Variants in VTI1A observed in about 807,000 individuals in gnomAD.
VTI1A encodes the protein vesicle transport through interaction with t-SNAREs homolog 1A.
VTI1A carries 22 observed loss-of-function variants against 34.9 expected under a neutral mutation model. That is an observed-to-expected ratio of 0.63 (90% CI 0.45 to 0.90). The LOEUF is 0.90. Among genes scored for constraint, VTI1A ranks in the 40% least tolerant of loss-of-function variants. The pLI is 0.00. For synonymous variants in VTI1A, 87 were observed against 97.3 expected (o/e 0.89, Z 0.62); for missense variants, 268 against 275.6 (o/e 0.97, Z 0.20).
chr10:112,479,473 T>C lies in VTI1A; in HGVS notation c.264+14816T>C, dbSNP rs188275696. 3.3e-5 allele frequency among the ~76,000 whole-genome samples: 5 copies of C among 152,288 alleles called. No individual in the cohort carries two copies. The East Asian group carries it at 9.7e-4, about 29-fold the overall frequency. ...TTCTTCCAAAGGAAATGCACTTGTC[T>C]TAAGATTCCCTTTCTCTCTGAATCT... is the stretch of plus-strand genomic sequence containing the variant. On this transcript the variant is annotated intron_variant, in intron 3 of 7. Coordinates refer to ENST00000393077, the MANE Select transcript of VTI1A (RefSeq NM_145206.4).
At chr10:112,467,918 G>T (rs554789675) in intron 3 of VTI1A, among the ~76,000 whole-genome samples, 2 of 152,312 alleles carry the variant, frequency 1.3e-5, no homozygotes, top group East Asian at 3.9e-4. Context: ...AGTTCTACTT[G>T]TCATATAGTT....
intron 1 of VTI1A, among the ~76,000 whole-genome samples, chr10:112,459,221 A>T (rs1427106884): frequency 2.0e-5 from 3 of 152,238 alleles, no homozygotes; most frequent in Non-Finnish European, 2.9e-5. Context: ...ATTTCAAGCC[A>T]GGAACTAACT....
intron 5 of VTI1A, among the ~76,000 whole-genome samples, chr10:112,559,017 G>A (rs1851628390): frequency 5.9e-5 from 9 of 152,190 alleles, no homozygotes; most frequent in Admixed American, 5.9e-4. Context: ...CCAGGGCTTT[G>A]AATCTTGCTG....
At chr10:112,834,987 T>G in the VTI1A span, among the ~76,000 whole-genome samples, 1 of 152,092 alleles carries the variant, frequency 6.6e-6, no homozygotes, top group Non-Finnish European at 1.5e-5. Flanking sequence ...TTAGCTAGAT[T>G]AGTTCATCCA....
the VTI1A span, chr10:112,832,302 G>T: frequency 6.6e-6 from 1 of 152,210 alleles, no homozygotes; most frequent in Non-Finnish European, 1.5e-5. Flanking sequence ...ATGTGAAAAA[G>T]ACCTCTGACC....
intron 7 of VTI1A, among the ~76,000 whole-genome samples, chr10:112,763,876 G>C (rs1851564550): frequency 6.6e-6 from 1 of 152,132 alleles, no homozygotes; most frequent in Non-Finnish European, 1.5e-5. Context: ...GTGCCAATCA[G>C]ACACTGCTTC....
the VTI1A span, among the ~76,000 whole-genome samples, chr10:112,840,868 C>T: frequency 6.6e-6 from 1 of 152,246 alleles, no homozygotes; most frequent in Non-Finnish European, 1.5e-5. Context: ...AAATCCCAAC[C>T]CCATGCTAGC....
At chr10:112,768,840 A>G (rs970713256) in intron 7 of VTI1A, among the ~76,000 whole-genome samples, 1 of 152,172 alleles carries the variant, frequency 6.6e-6, no homozygotes, top group African/African-American at 2.4e-5. Context: ...AACTGACTCA[A>G]ATGGTTCTCA....
intron 7 of VTI1A, among the ~76,000 whole-genome samples, chr10:112,715,893 A>ATGT (rs1248204156): frequency 6.6e-5 from 10 of 152,188 alleles, no homozygotes; most frequent in African/African-American, 2.4e-4. Context: ...TGCTAACCCC[A>ATGT]GGGAAGAGAT....
chr10:112,464,315 C>T (rs1212338829), intron 2 of VTI1A, among the ~76,000 whole-genome samples: 2 of 152,202 alleles, frequency 1.3e-5, no homozygotes, highest in East Asian at 1.9e-4. Context: ...TATGTTTTAA[C>T]AAAGCATGTA....
At chr10:112,652,708 C>T (rs1338939911) in intron 5 of VTI1A, among the ~76,000 whole-genome samples, 1 of 106,400 alleles carries the variant, frequency 9.4e-6, no homozygotes, top group Non-Finnish European at 1.8e-5. Flanking sequence ...GCCTGGGCAA[C>T]AGAGTGAGAC....
chr10:112,482,152 T>C (rs912487498), intron 3 of VTI1A, among the ~76,000 whole-genome samples: 4 of 152,202 alleles, frequency 2.6e-5, no homozygotes, highest in African/African-American at 9.6e-5. Flanking sequence ...TTTTAAAACC[T>C]GTTATATTTC....
At chr10:112,736,655 A>G (rs933667237) in intron 7 of VTI1A, 1 of 1,547,866 alleles carries the variant, frequency 6.5e-7, no homozygotes, top group African/African-American at 1.4e-5. Flanking sequence ...CAAGTATACA[A>G]ACTAGTGCAT....
chr10:112,637,616 G>A (rs754011522), intron 5 of VTI1A, among the ~76,000 whole-genome samples: 6 of 152,016 alleles, frequency 3.9e-5, no homozygotes, highest in Admixed American at 6.5e-5. Context: ...CCGAGATCGC[G>A]CTACTGCACT....
chr10:112,720,396 G>A (rs1218663715), intron 7 of VTI1A, among the ~76,000 whole-genome samples: 2 of 152,152 alleles, frequency 1.3e-5, no homozygotes, highest in African/African-American at 4.8e-5. Flanking sequence ...TTATATTATA[G>A]TTTTTCAAGT....
intron 5 of VTI1A, among the ~76,000 whole-genome samples, chr10:112,667,577 G>A (rs1847687736): frequency 6.6e-6 from 1 of 152,166 alleles, no homozygotes; most frequent in African/African-American, 2.4e-5. Flanking sequence ...GTTCTGGGGT[G>A]AAAACACTGT....
At chr10:112,673,624 A>G (rs1436422227) in intron 7 of VTI1A, among the ~76,000 whole-genome samples, 1 of 152,258 alleles carries the variant, frequency 6.6e-6, no homozygotes, top group Non-Finnish European at 1.5e-5. Context: ...TATTAAATGC[A>G]GTTGACCTAG....
At chr10:112,673,451 C>T (rs74158749) in intron 7 of VTI1A, among the ~76,000 whole-genome samples, 1,911 of 129,302 alleles carry the variant, frequency 0.015, 39 homozygotes, top group African/African-American at 0.051. Flanking sequence ...CATTCACACA[C>T]ATGCGCGCGT....
chr10:112,666,431 T>G (rs1300412605), intron 5 of VTI1A, among the ~76,000 whole-genome samples: 1 of 152,226 alleles, frequency 6.6e-6, no homozygotes, highest in Non-Finnish European at 1.5e-5. Context: ...AACACTTGTC[T>G]GTAACTCTTC....
Sources: gnomAD v4.1 joint callset for allele counts (sites outside exome capture counted in the v4.1 genomes callset) on GRCh38, gnomAD v4.1.1 for gene constraint, MANE v1.5 for transcripts, NCBI Gene and HGNC (gene_info 2026-07-23, HGNC 2026-07-21) for gene names.